Variants in TJP1 observed in about 807,000 individuals in gnomAD.
TJP1 encodes tight junction protein 1, also known as tight junction protein ZO-1.
In TJP1, 43 loss-of-function variants were observed where a neutral mutation model predicts 194.2. That is an observed-to-expected ratio of 0.22 (90% CI 0.17 to 0.29). TJP1 has a LOEUF of 0.29. Among genes scored for constraint, TJP1 ranks in the 10% least tolerant of loss-of-function variants. The probability of loss-of-function intolerance (pLI) is 1.00; values close to 1 mark genes in which losing one functional copy is unlikely to be tolerated. For synonymous variants in TJP1, 801 were observed against 779.0 expected, an observed-to-expected ratio of 1.03 and a Z score of -0.47; for missense variants, 1,971 against 2,185.7, an observed-to-expected ratio of 0.90 and a Z score of 1.96.
At chr15:29,850,553 T>A (rs2051601759) in intron 2 of TJP1, among the ~76,000 whole-genome samples, 1 of 152,020 alleles carries the variant, frequency 6.6e-6, no homozygotes, top group African/African-American at 2.4e-5. Flanking sequence ...GCCAGGCTGG[T>A]CTTGAACTCC....
chr15:29,911,633 T>A (rs1329509593), intron 2 of TJP1, among the ~76,000 whole-genome samples: 1 of 152,154 alleles, frequency 6.6e-6, no homozygotes, highest in African/African-American at 2.4e-5. Flanking sequence ...GAGAACTCAC[T>A]GTCACGAGAA....
chr15:29,789,309 G>A (rs187909476), intron 2 of TJP1, among the ~76,000 whole-genome samples: 134 of 152,216 alleles, frequency 8.8e-4, no homozygotes, highest in African/African-American at 2.9e-3. Flanking sequence ...GATAGAAAAC[G>A]GACTTAAGAT....
intron 2 of TJP1, among the ~76,000 whole-genome samples, chr15:29,949,511 T>TCCACCTCCACCACCA (rs1596310482): frequency 2.0e-3 from 36 of 18,124 alleles, no homozygotes; most frequent in African/African-American, 7.1e-3. Flanking sequence ...AACCACCACC[T>TCCACCTCCACCACCA]CCACCTCCAC....
intron 2 of TJP1, among the ~76,000 whole-genome samples, chr15:29,880,320 C>T (rs1041439135): frequency 2.0e-5 from 3 of 152,178 alleles, no homozygotes; most frequent in East Asian, 1.9e-4. Context: ...AAGAACTGCA[C>T]GTATTTAGTG....
intron 2 of TJP1, among the ~76,000 whole-genome samples, chr15:29,788,860 G>C (rs1567030240): frequency 6.6e-6 from 1 of 152,092 alleles, no homozygotes; most frequent in Admixed American, 6.5e-5. Flanking sequence ...AACTAAAAAG[G>C]TGTGGGTGTG....
At chr15:29,866,298 T>C (rs2052299993) in intron 2 of TJP1, among the ~76,000 whole-genome samples, 2 of 152,236 alleles carry the variant, frequency 1.3e-5, no homozygotes, top group South Asian at 4.1e-4. Flanking sequence ...CCGTCACAAA[T>C]TTAGCATTAG....
At chr15:29,953,027 C>G (rs966340644) in intron 2 of TJP1, among the ~76,000 whole-genome samples, 3 of 151,870 alleles carry the variant, frequency 2.0e-5, no homozygotes, top group Non-Finnish European at 4.4e-5. Context: ...ACAAAGTCAA[C>G]TTCCTTAGAA....
downstream of TJP1, chr15:29,699,564 A>T (rs984855335): frequency 3.3e-5 from 5 of 152,222 alleles, no homozygotes; most frequent in African/African-American, 1.2e-4. Context: ...ACATTTTAAA[A>T]ACAGTAACTT....
At chr15:29,726,613 T>A (rs1466497355) in intron 17 of TJP1, 134 bp from the exon 18 acceptor site, 3 of 1,133,412 alleles carry the variant, frequency 2.6e-6, no homozygotes, top group African/African-American at 1.6e-5. Flanking sequence ...AAATTTCTAT[T>A]TTGCTACTGT....
At chr15:29,936,496 G>A (rs76308461) in intron 2 of TJP1, among the ~76,000 whole-genome samples, 2,014 of 152,216 alleles carry the variant, frequency 0.013, 41 homozygotes, top group African/African-American at 0.045. Flanking sequence ...TGGGCTTCCT[G>A]TGTCTGCATC....
intron 2 of TJP1, among the ~76,000 whole-genome samples, chr15:29,885,748 A>C (rs1184557096): frequency 6.6e-6 from 1 of 152,248 alleles, no homozygotes; most frequent in Non-Finnish European, 1.5e-5. Flanking sequence ...TATTTCAGTA[A>C]AGAGCAATCC....
At chr15:29,741,533 T>C in intron 9 of TJP1, 97 bp from the exon 10 acceptor site, 1 of 771,800 alleles carries the variant, frequency 1.3e-6, no homozygotes, top group African/African-American at 1.7e-5. Flanking sequence ...TCAGAGAACC[T>C]GATGAGGAAC....
chr15:29,705,068 C>A (rs866217089), intron 26 of TJP1, among the ~76,000 whole-genome samples: 6 of 152,230 alleles, frequency 3.9e-5, no homozygotes, highest in Middle Eastern at 3.2e-3. Context: ...GAGACTCCTT[C>A]ATGCACTCTG....
rs565108501 is a variant in TJP1, at chr15:29,838,872, G to A, written c.307-38170C>T. ...TTACATAAATGGAACCATACAGTAC[G>A]TAACCTGCTGGAATTATGTTTGTTC... On this transcript the variant is annotated intron_variant, in intron 2 of 28. Coordinates refer to the TJP1 transcript ENST00000356107. Among the ~76,000 whole-genome samples, 57 of 151,862 alleles carry A rather than the reference G, an allele frequency of 3.8e-4. 2 individuals carry two copies. The South Asian group carries it at 0.011, about 30-fold the overall frequency.
intron 2 of TJP1, among the ~76,000 whole-genome samples, chr15:29,949,315 T>C (rs62649071): frequency 0.011 from 198 of 18,190 alleles, no homozygotes; most frequent in Middle Eastern, 0.042. Flanking sequence ...CCACCTCCAC[T>C]TTCACCACCA....
At chr15:29,760,629 G>A (rs553182401) in intron 8 of TJP1, among the ~76,000 whole-genome samples, 1 of 151,980 alleles carries the variant, frequency 6.6e-6, no homozygotes, top group African/African-American at 2.4e-5. Context: ...CGCCTGCCTC[G>A]GCCTCCCAAA....
intron 17 of TJP1, 73 bp from the exon 18 acceptor site, chr15:29,726,552 A>C: frequency 7.1e-7 from 1 of 1,418,076 alleles, no homozygotes. Context: ...AACCCTGCTT[A>C]CAGCTAAATC....
At chr15:29,959,216 C>T (rs538173975) in intron 1 of TJP1, among the ~76,000 whole-genome samples, 194 of 151,664 alleles carry the variant, frequency 1.3e-3, no homozygotes, top group Non-Finnish European at 2.1e-3. Flanking sequence ...GTCTCCATCT[C>T]CTGACCTCGT....
intron 2 of TJP1, among the ~76,000 whole-genome samples, chr15:29,785,266 A>C (rs2047628663): frequency 6.6e-6 from 1 of 152,220 alleles, no homozygotes; most frequent in Non-Finnish European, 1.5e-5. Context: ...GCCTGGCTAG[A>C]CAACTGAATT....
Sources: gnomAD v4.1 joint callset for allele counts (sites outside exome capture counted in the v4.1 genomes callset) on GRCh38, gnomAD v4.1.1 for gene constraint, MANE v1.5 for transcripts, NCBI Gene and HGNC (gene_info 2026-07-23, HGNC 2026-07-21) for gene names.